ARHGEF10: variants seen among roughly 807,000 people sequenced by gnomAD.
ARHGEF10 encodes Rho guanine nucleotide exchange factor (GEF) 10.
In ARHGEF10, 140 loss-of-function variants were observed where a neutral mutation model predicts 147.4. The observed-to-expected ratio is 0.95, with a 90% CI of 0.83 to 1.09. The LOEUF is 1.09. Ranked by LOEUF, ARHGEF10 falls within the 50% of genes least tolerant of loss-of-function variation. The pLI, the probability that ARHGEF10 is intolerant of heterozygous loss-of-function variation, is 0.00. For synonymous variants in ARHGEF10, 902 were observed against 695.8 expected, an observed-to-expected ratio of 1.30 and a Z score of -4.67; for missense variants, 2,222 against 1,752.7, an observed-to-expected ratio of 1.27 and a Z score of -4.78.
chr8:1,869,336 C>T, intron 7 of ARHGEF10, 86 bp downstream of exon 7: 1 of 1,162,152 alleles, frequency 8.6e-7, no homozygotes, highest in Non-Finnish European at 1.3e-6. Flanking sequence ...TAGTGGACGG[C>T]CCAGACGTTT....
chr8:1,848,150 G>T (rs1022741353), intron 2 of ARHGEF10, among the ~76,000 whole-genome samples: 19 of 152,240 alleles, frequency 1.2e-4, no homozygotes, highest in African/African-American at 4.6e-4. Context: ...AGTGTTCTAT[G>T]CGTCTTCTTT....
chr8:1,880,282 C>T (rs1167991703), intron 9 of ARHGEF10, 118 bp downstream of exon 9: 9 of 740,120 alleles, frequency 1.2e-5, no homozygotes, highest in Non-Finnish European at 2.2e-5. Context: ...GTCCGGGGCT[C>T]CTGGAATCCC....
intron 14 of ARHGEF10, among the ~76,000 whole-genome samples, chr8:1,896,676 G>C (rs183271920): frequency 2.0e-5 from 3 of 152,308 alleles, no homozygotes; most frequent in Admixed American, 6.5e-5. Context: ...CAGACAGAAA[G>C]AAAGTTAAAA....
chr8:1,914,813 CA>C (rs1431722357), intron 18 of ARHGEF10, among the ~76,000 whole-genome samples: 4 of 152,192 alleles, frequency 2.6e-5, no homozygotes, highest in African/African-American at 9.7e-5. Context: ...TCCCACGACT[CA>C]AAAGTGTCAT....
intron 25 of ARHGEF10, among the ~76,000 whole-genome samples, chr8:1,931,218 CTCTT>C (rs1426745674): frequency 6.6e-6 from 1 of 152,268 alleles, no homozygotes; most frequent in Non-Finnish European, 1.5e-5. Context: ...CTGCACTCAA[CTCTT>C]TCATGAAGCT....
intron 13 of ARHGEF10, 72 bp downstream of exon 13, chr8:1,894,644 GA>G: frequency 6.4e-7 from 1 of 1,557,010 alleles, no homozygotes; most frequent in Non-Finnish European, 8.8e-7. Context: ...TTCTTAGGCT[GA>G]TGTTTTGCCC....
At chr8:1,890,494 T>A (rs1380831873) in intron 11 of ARHGEF10, among the ~76,000 whole-genome samples, 1 of 133,280 alleles carries the variant, frequency 7.5e-6, no homozygotes, top group Non-Finnish European at 1.6e-5. Context: ...GGGGTGAGGG[T>A]TGTGAGGAGA....
chr8:1,823,423 G>C (rs1374417464), upstream of ARHGEF10, among the ~76,000 whole-genome samples: 4 of 150,770 alleles, frequency 2.7e-5, no homozygotes, highest in Non-Finnish European at 4.4e-5. Context: ...GCGCACCCCG[G>C]GTGTCCGCAG....
At chr8:1,848,863 G>GT (rs1193730183) in intron 2 of ARHGEF10, among the ~76,000 whole-genome samples, 1 of 152,078 alleles carries the variant, frequency 6.6e-6, no homozygotes, top group Non-Finnish European at 1.5e-5. Context: ...AACATTAGCA[G>GT]TTTTTTTCCC....
At chr8:1,847,617 G>A (rs540112703) in intron 2 of ARHGEF10, among the ~76,000 whole-genome samples, 36 of 152,074 alleles carry the variant, frequency 2.4e-4, no homozygotes, top group African/African-American at 8.0e-4. Flanking sequence ...GTTTCTGGGG[G>A]ATGGCACTGT....
intron 3 of ARHGEF10, 40 bp from the exon 4 acceptor site, chr8:1,859,857 T>C: frequency 6.2e-7 from 1 of 1,612,790 alleles, no homozygotes. Context: ...GCCATGCCCT[T>C]GGTGATGTGT....
rs202163881 is a variant in ARHGEF10, at chr8:1,925,448, G to T, written c.2610+44G>T. ...CGCGGCCCGGGGTGGGACGCACCTC[G>T]CAGCTCTGAATGGGCCACTTGGGAG... On this transcript the variant is annotated intron_variant, in intron 22 of 28. Coordinates refer to ENST00000349830, the MANE Select transcript of ARHGEF10 (RefSeq NM_014629.4). 36 of 1,611,160 alleles carry T rather than the reference G, an allele frequency of 2.2e-5. No individual in the cohort carries two copies. In the Middle Eastern group the frequency reaches 1.1e-3, roughly 51 times the overall value.
At chr8:1,837,414 C>T (rs577796816) in intron 1 of ARHGEF10, among the ~76,000 whole-genome samples, 1 of 152,344 alleles carries the variant, frequency 6.6e-6, no homozygotes, top group East Asian at 1.9e-4. Context: ...GTTCATCTTT[C>T]CGTTGGTCCT....
intron 6 of ARHGEF10, 45 bp from the exon 7 acceptor site, chr8:1,869,149 G>C (rs765205237): frequency 6.4e-7 from 1 of 1,558,980 alleles, no homozygotes; most frequent in South Asian, 1.1e-5. Flanking sequence ...ATTGCACTAG[G>C]TTTTGTTGGT....
intron 7 of ARHGEF10, 65 bp downstream of exon 7, chr8:1,869,315 A>G: frequency 7.1e-7 from 1 of 1,404,510 alleles, no homozygotes; most frequent in Non-Finnish European, 1.0e-6. Context: ...CTGGATGCCA[A>G]AGTGACTATT....
At chr8:1,880,594 C>T (rs924177278) in intron 9 of ARHGEF10, among the ~76,000 whole-genome samples, 7 of 152,146 alleles carry the variant, frequency 4.6e-5, no homozygotes, top group Non-Finnish European at 1.0e-4. Context: ...ACTTCAAATG[C>T]AGTAAATATT....
intron 14 of ARHGEF10, among the ~76,000 whole-genome samples, chr8:1,896,866 C>T (rs1810018285): frequency 6.6e-6 from 1 of 152,188 alleles, no homozygotes; most frequent in Non-Finnish European, 1.5e-5. Flanking sequence ...GAGGGGGACG[C>T]AGGCTGTGTT....
intron 2 of ARHGEF10, among the ~76,000 whole-genome samples, chr8:1,844,492 A>C (rs1585241518): frequency 3.1e-5 from 1 of 32,338 alleles, no homozygotes; most frequent in African/African-American, 9.2e-5. Flanking sequence ...AGAAACAGCC[A>C]GCGACACCAC....
At chr8:1,922,762 T>G (rs1812394343) in intron 18 of ARHGEF10, among the ~76,000 whole-genome samples, 1 of 152,146 alleles carries the variant, frequency 6.6e-6, no homozygotes, top group South Asian at 2.1e-4. Context: ...TCTTTGCAAC[T>G]TTTCCATCTA....
Sources: allele counts gnomAD v4.1 joint callset (sites outside exome capture counted in the v4.1 genomes callset), GRCh38; gene constraint gnomAD v4.1.1; transcripts MANE v1.5; gene names NCBI Gene and HGNC (gene_info 2026-07-23, HGNC 2026-07-21).